Variants in PAX5 observed in about 807,000 individuals in gnomAD.
PAX5 encodes paired box protein Pax-5.
A neutral mutation model predicts 43.7 loss-of-function variants in PAX5; 9 were observed. That is an observed-to-expected ratio of 0.21 (90% CI 0.12 to 0.36). The LOEUF is 0.36. Ranked by LOEUF, PAX5 falls within the 10% of genes least tolerant of loss-of-function variation. PAX5 has a pLI of 1.00. For synonymous variants in PAX5, 228 were observed against 214.3 expected (o/e 1.06, Z -0.56); for missense variants, 383 against 532.7 (o/e 0.72, Z 2.77).
At chr9:36,956,736 G>A (rs16933796) in intron 6 of PAX5, among the ~76,000 whole-genome samples, 6,298 of 152,202 alleles carry the variant, frequency 0.041, 124 homozygotes, top group Middle Eastern at 0.048. Flanking sequence ...AATATTCTTG[G>A]CAGCAAATCA....
chr9:36,833,844 G>C lies in PAX5; in HGVS notation c.*6716C>G, dbSNP rs996249294. On this transcript the variant is annotated 3_prime_UTR_variant, in exon 10 of 10. Transcript: ENST00000358127. ...CAAAGGCAATTCAATTGTGGTTTTT[G>C]TTGTTGGTTTTTTTGTATTTTTTTG... 3 of 224,648 alleles carry C rather than the reference G, an allele frequency of 1.3e-5. No homozygotes were observed. The highest frequency in any genetic ancestry group is 6.9e-5 in the African/African-American group (3 of 43,332). 13.9% of individuals were successfully genotyped at this position (224,648 alleles called of 1,614,324 possible).
intron 3 of PAX5, among the ~76,000 whole-genome samples, chr9:37,009,794 T>C (rs1055849311): frequency 1.3e-5 from 1 of 77,408 alleles, no homozygotes; most frequent in Non-Finnish European, 2.5e-5. Context: ...CATGTACTCA[T>C]AAATATATAT....
At chr9:36,965,740 C>T (rs1834372154) in intron 6 of PAX5, among the ~76,000 whole-genome samples, 1 of 152,198 alleles carries the variant, frequency 6.6e-6, no homozygotes, top group South Asian at 2.1e-4. Context: ...CTGGTTGGCC[C>T]ACCAGGTGGG....
rs769720837 is a variant in PAX5 at position 36,966,565 on chromosome 9, G to T, written c.764C>A (p.Pro255His). ...GAGGCGTACCTGCTCGGGCTTGATG[G>T]GCTCTGTGGTGGTGAAGATGTCTGA... ...HYSDIFTTTE[P>H]IKPEQTTEYS... is the part of the protein sequence containing the mutation. The change falls in exon 6 of 10, where the codon CCC (proline) becomes CAC (histidine). Residue 255 changes from proline to histidine, a missense_variant. Coordinates refer to ENST00000358127, the MANE Select transcript of PAX5 (RefSeq NM_016734.3). The T allele has an allele frequency of 5.0e-6, 8 of 1,613,944 alleles. No homozygotes were observed. The African/African-American group carries it at 1.1e-4, about 22-fold the overall frequency.
chr9:36,954,723 C>T (rs1424162710), intron 6 of PAX5, among the ~76,000 whole-genome samples: 1 of 152,070 alleles, frequency 6.6e-6, no homozygotes, highest in Non-Finnish European at 1.5e-5. Context: ...ATTTAGTATG[C>T]TTCTTCAATC....
intron 7 of PAX5, among the ~76,000 whole-genome samples, chr9:36,911,780 G>A (rs1159689089): frequency 6.6e-6 from 1 of 152,224 alleles, no homozygotes; most frequent in African/African-American, 2.4e-5. Context: ...CCGCCAGAGG[G>A]GATTGTGACA....
At chr9:36,906,209 C>CT (rs574428916) in intron 7 of PAX5, among the ~76,000 whole-genome samples, 117 of 152,300 alleles carry the variant, frequency 7.7e-4, no homozygotes, top group African/African-American at 2.7e-3. Flanking sequence ...ACTATGTGAC[C>CT]TTACATGGCA....
At chr9:37,011,570 C>T (rs891916247) in intron 3 of PAX5, among the ~76,000 whole-genome samples, 2 of 152,182 alleles carry the variant, frequency 1.3e-5, no homozygotes, top group African/African-American at 2.4e-5. Context: ...CTGGATCCAG[C>T]GATCCCTGCA....
At position 36,834,255 on chromosome 9, in the gene PAX5, G is replaced by A. The variant is rs1821482048; in HGVS notation, c.*6305C>T. 1 of 233,216 alleles carries A rather than the reference G, an allele frequency of 4.3e-6. No homozygotes were observed. The highest frequency in any genetic ancestry group is 2.2e-5 in the African/African-American group (1 of 45,354). 14.4% of individuals were successfully genotyped at this position (233,216 alleles called of 1,614,324 possible). A position where few individuals can be genotyped will look rare whatever the true frequency, so the allele number is the denominator to read the frequency against. ...CCCTCTGTTGTGCTGGGTGCTTGGG[G>A]CCAGGGGATGGGCCTGCCTCTTCCT... On this transcript the variant is annotated 3_prime_UTR_variant, in exon 10 of 10. Transcript: ENST00000358127.
intron 5 of PAX5, among the ~76,000 whole-genome samples, chr9:36,989,474 T>A (rs748801904): frequency 7.2e-6 from 1 of 139,188 alleles, no homozygotes; most frequent in Admixed American, 7.6e-5. Flanking sequence ...GAGTATTACA[T>A]GAGTTAATAA....
chr9:37,020,880 C>T (rs1554685658), intron 1 of PAX5, 79 bp from the exon 2 acceptor site: 1 of 1,478,932 alleles, frequency 6.8e-7, no homozygotes, highest in Non-Finnish European at 9.3e-7. Context: ...CTGTGAGGAC[C>T]CAGAGCCCCT....
At chr9:36,997,432 G>A (rs1837486158) in intron 5 of PAX5, among the ~76,000 whole-genome samples, 2 of 152,202 alleles carry the variant, frequency 1.3e-5, no homozygotes, top group South Asian at 4.1e-4. Flanking sequence ...ACAGGGAGGG[G>A]ACCTAAGTGG....
At chr9:36,990,111 A>G (rs1349202068) in intron 5 of PAX5, among the ~76,000 whole-genome samples, 3 of 152,200 alleles carry the variant, frequency 2.0e-5, no homozygotes, top group Non-Finnish European at 4.4e-5. Flanking sequence ...TGAGGGAGGA[A>G]GACAGTTTTT....
chr9:36,928,855 C>T (rs1161938997), intron 6 of PAX5, among the ~76,000 whole-genome samples: 1 of 152,136 alleles, frequency 6.6e-6, no homozygotes, highest in African/African-American at 2.4e-5. Flanking sequence ...GGGACACTGC[C>T]CACTAGAATA....
At chr9:37,030,656 G>T (rs1192329926) in intron 1 of PAX5, among the ~76,000 whole-genome samples, 1 of 152,250 alleles carries the variant, frequency 6.6e-6, no homozygotes, top group Non-Finnish European at 1.5e-5. Flanking sequence ...AATTGCCTTT[G>T]AAAGTTTTAG....
At chr9:37,016,252 G>T (rs137897487) in intron 2 of PAX5, among the ~76,000 whole-genome samples, 1,729 of 152,266 alleles carry the variant, frequency 0.011, 27 homozygotes, top group African/African-American at 0.032. Flanking sequence ...CTCCAGCATT[G>T]TATGAAACTG....
intron 3 of PAX5, among the ~76,000 whole-genome samples, chr9:37,012,333 C>A (rs559790334): frequency 6.6e-6 from 1 of 152,322 alleles, no homozygotes; most frequent in African/African-American, 2.4e-5. Context: ...CTGGGTTCTA[C>A]CCCCATGTCT....
chr9:36,982,652 A>G (rs1172554106), intron 5 of PAX5, among the ~76,000 whole-genome samples: 3 of 152,346 alleles, frequency 2.0e-5, no homozygotes, highest in African/African-American at 7.2e-5. Context: ...GGCAAGGGGC[A>G]TCCCAGACAA....
intron 6 of PAX5, among the ~76,000 whole-genome samples, chr9:36,938,912 C>T (rs1023045829): frequency 1.3e-5 from 2 of 152,218 alleles, no homozygotes; most frequent in African/African-American, 4.8e-5. Context: ...ATTACAAAGC[C>T]TCCTCCCAGA....
Sources: gnomAD v4.1 joint callset for allele counts (sites outside exome capture counted in the v4.1 genomes callset) on GRCh38, gnomAD v4.1.1 for gene constraint, MANE v1.5 for transcripts, NCBI Gene and HGNC (gene_info 2026-07-23, HGNC 2026-07-21) for gene names.